ENOSF1: variants seen among roughly 807,000 people sequenced by gnomAD.
The protein encoded by ENOSF1 is mitochondrial enolase superfamily member 1.
Under a neutral mutation model 68.2 loss-of-function variants are expected in ENOSF1, and 73 were observed. The observed-to-expected ratio is 1.07, with a 90% CI of 0.89 to 1.30. The LOEUF is 1.30. Among genes scored for constraint, ENOSF1 ranks in the 50% most tolerant of loss-of-function variants. The pLI is 0.00. For missense variants in ENOSF1, 589 were observed against 554.5 expected (o/e 1.06, Z -0.62); for synonymous variants, 223 against 210.4 (o/e 1.06, Z -0.52).
rs1447697922 is a variant in ENOSF1 at position 674,286 on chromosome 18, A to C, written c.*19T>G. The C allele has an allele frequency of 1.3e-6, 2 of 1,545,478 alleles. No individual in the cohort carries two copies. Among genetic ancestry groups the C allele is most frequent in the African/African-American group, 2.8e-5 (2 of 71,414 alleles). On this transcript the variant is annotated 3_prime_UTR_variant, in exon 16 of 16. Coordinates refer to ENST00000647584, the MANE Select transcript of ENOSF1 (RefSeq NM_017512.7). ...AGCCCTTTCACTTCAGAAAGAAAAA[A>C]GTTGTTGGGGCTGAGCACTTAATTT...
chr18:693,916 T>C lies in ENOSF1; in HGVS notation c.397-8A>G, dbSNP rs1453134620. On this transcript the variant is annotated splice_region_variant and splice_polypyrimidine_tract_variant and intron_variant, in intron 4 of 15. Coordinates refer to ENST00000647584, the MANE Select transcript of ENOSF1 (RefSeq NM_017512.7). ...AAGTAACTTCCAGACAGGCTTGAAG[T>C]AAAAAAGAAAGGATTTGTAAGACAT... 4.3e-6 allele frequency: 7 copies of C among 1,613,702 alleles called. No individual in the cohort carries two copies. The highest frequency in any genetic ancestry group is 4.2e-6 in the Non-Finnish European group (5 of 1,179,940).
chr18:685,829 T>C, intron 10 of ENOSF1, 92 bp downstream of exon 10: 3 of 1,090,984 alleles, frequency 2.7e-6, no homozygotes, highest in Admixed American at 3.5e-5. Context: ...CAATTAACTT[T>C]TTAAATTCCC....
intron 1 of ENOSF1, 165 bp downstream of exon 1, chr18:712,339 C>T (rs558643017): frequency 6.5e-7 from 1 of 1,534,194 alleles, no homozygotes; most frequent in African/African-American, 1.4e-5. Flanking sequence ...GGGAGGGACC[C>T]GGGCCGCAAG....
intron 8 of ENOSF1, 148 bp from the exon 9 acceptor site, chr18:688,756 C>T (rs1012920262): frequency 5.8e-6 from 4 of 688,952 alleles, no homozygotes; most frequent in Non-Finnish European, 1.0e-5. Flanking sequence ...ACAGCAGAAA[C>T]AGCCTGGCTG....
intron 11 of ENOSF1, among the ~76,000 whole-genome samples, chr18:682,342 T>C (rs1198921860): frequency 6.6e-6 from 1 of 152,142 alleles, no homozygotes; most frequent in Non-Finnish European, 1.5e-5. Context: ...CTGCAGGCAA[T>C]TGGAACACAA....
chr18:680,423 T>C (rs1011135773), intron 11 of ENOSF1, among the ~76,000 whole-genome samples: 3 of 152,240 alleles, frequency 2.0e-5, no homozygotes, highest in Admixed American at 2.0e-4. Flanking sequence ...TTATTTGTTC[T>C]ACCATTTTAA....
At chr18:689,784 G>T (rs1037924044) in intron 8 of ENOSF1, among the ~76,000 whole-genome samples, 1 of 152,156 alleles carries the variant, frequency 6.6e-6, no homozygotes, top group Non-Finnish European at 1.5e-5. Flanking sequence ...GTGAACGAGA[G>T]AGCCCTGCTG....
Position 685,960 on chromosome 18 carries a change from G to C in ENOSF1, c.702C>G (p.Cys234Trp), listed in dbSNP as rs1367207749. 1.2e-6 allele frequency: 2 copies of C among 1,614,032 alleles called. No individual in the cohort carries two copies. Among genetic ancestry groups the C allele is most frequent in the East Asian group, 2.2e-5 (1 of 44,840 alleles). The change falls in exon 10 of 16, where the codon TGC (cysteine) becomes TGG (tryptophan). Residue 234 changes from cysteine (C) to tryptophan (W), a missense_variant. By Grantham distance (215) the Cys-to-Trp change is radical. Transcript: ENST00000647584. ...GADLQDDMRR[C>W]QIIRDMIGPE... is the part of the protein sequence containing the mutation. ...GTCCAATCATGTCTCGGATGATTTG[G>C]CATCTTCGCATGTCATCCTGGAGAT...
intron 9 of ENOSF1, chr18:686,418 G>C (rs1330948676): frequency 5.8e-6 from 1 of 171,752 alleles, no homozygotes; most frequent in Non-Finnish European, 1.2e-5. Context: ...TTACAAAGGA[G>C]AGCTTTGTCT....
At chr18:674,519 ATTAAT>A in intron 15 of ENOSF1, 113 bp from the exon 16 acceptor site, 6 of 693,882 alleles carry the variant, frequency 8.6e-6, no homozygotes, top group South Asian at 6.1e-5. Flanking sequence ...GAGGCAATTA[ATTAAT>A]TTTTTTTTTT....
At chr18:710,688 G>A (rs2079422268) in intron 1 of ENOSF1, among the ~76,000 whole-genome samples, 1 of 152,174 alleles carries the variant, frequency 6.6e-6, no homozygotes, top group African/African-American at 2.4e-5. Flanking sequence ...CAACTTTACT[G>A]ACGGCCTTCT....
At chr18:690,702 A>AAGCTGTTTCCACTGGAGAGTCC in intron 7 of ENOSF1, 71 bp from the exon 8 acceptor site, 1 of 1,579,836 alleles carries the variant, frequency 6.3e-7, no homozygotes, top group South Asian at 1.2e-5. Flanking sequence ...GCCTGTAGCT[A>AAGCTGTTTCCACTGGAGAGTCC]AGCTGTTTCC....
chr18:686,862 C>G (rs2076655532), intron 9 of ENOSF1: 1 of 152,236 alleles, frequency 6.6e-6, no homozygotes, highest in Admixed American at 6.5e-5. Context: ...TCTCAGGCAC[C>G]TGCTGTTCTC....
At chr18:677,719 C>T in intron 13 of ENOSF1, 24 bp downstream of exon 13, 5 of 1,605,296 alleles carry the variant, frequency 3.1e-6, no homozygotes, top group Non-Finnish European at 4.3e-6. Flanking sequence ...AAGGTCTGGT[C>T]TGCAGCCGCT....
chr18:672,837 T>A lies in ENOSF1; in HGVS notation c.*1468A>T. The A allele has an allele frequency of 1.3e-6, 2 of 1,544,554 alleles. No homozygotes were observed. The highest frequency in any genetic ancestry group is 1.8e-6 in the Non-Finnish European group (2 of 1,130,776). On this transcript the variant is annotated 3_prime_UTR_variant, in exon 16 of 16. Coordinates refer to ENST00000647584, the MANE Select transcript of ENOSF1 (RefSeq NM_017512.7). ...AACAGGTCGTACAATTATGGCAAAATAATGGCCTTATTTTGTTTTTAGCTT... is the reference window on the plus strand; with the variant it reads ...AACAGGTCGTACAATTATGGCAAAAAAATGGCCTTATTTTGTTTTTAGCTT...
chr18:697,908 C>T (rs9748845), intron 2 of ENOSF1, among the ~76,000 whole-genome samples: 299 of 152,300 alleles, frequency 2.0e-3, no homozygotes, highest in Non-Finnish European at 3.3e-3. Context: ...ATCCTCCCAC[C>T]TCAGCTTCTC....
At chr18:693,803 A>T in intron 5 of ENOSF1, 79 bp downstream of exon 5, 1 of 1,600,874 alleles carries the variant, frequency 6.2e-7, no homozygotes, top group African/African-American at 1.3e-5. Context: ...GAATATATTT[A>T]CTGATCATCA....
chr18:668,520 T>G (rs72867160), downstream of ENOSF1, among the ~76,000 whole-genome samples: 12,223 of 152,238 alleles, frequency 0.08, 601 homozygotes, highest in Middle Eastern at 0.18. Flanking sequence ...AGTCGTGTGT[T>G]GAGCTGCTAA....
chr18:685,069 G>A (rs1230506999), intron 10 of ENOSF1, among the ~76,000 whole-genome samples: 1 of 151,922 alleles, frequency 6.6e-6, no homozygotes, highest in Non-Finnish European at 1.5e-5. Flanking sequence ...TTGCTATGTA[G>A]CCCAGGCTGG....
Sources: gnomAD v4.1 joint callset for allele counts (sites outside exome capture counted in the v4.1 genomes callset) on GRCh38, gnomAD v4.1.1 for gene constraint, MANE v1.5 for transcripts, NCBI Gene and HGNC (gene_info 2026-07-23, HGNC 2026-07-21) for gene names.